The following SND1 variants were observed in gnomAD, a reference collection of about 807,000 sequenced individuals.
SND1 encodes the protein staphylococcal nuclease and tudor domain containing 1.
A neutral mutation model predicts 121.7 loss-of-function variants in SND1; 38 were observed. The ratio of observed to expected loss-of-function variants is 0.31; its 90% CI spans 0.24 to 0.41. The LOEUF (loss-of-function observed/expected upper bound fraction) is 0.41. SND1 is among the 10% of genes least tolerant of loss of function. The pLI is 1.00. For missense variants in SND1, 868 were observed against 1,184.6 expected (o/e 0.73, Z 3.92); for synonymous variants, 401 against 447.4 (o/e 0.90, Z 1.31).
intron 8 of SND1, 101 bp downstream of exon 8, chr7:127,705,046 T>C: frequency 5.2e-6 from 5 of 960,116 alleles, no homozygotes; most frequent in Non-Finnish European, 8.2e-6. Flanking sequence ...TCAGTGTTCA[T>C]TTTACTTCAG....
intron 10 of SND1, among the ~76,000 whole-genome samples, chr7:127,739,785 A>C (rs1002739726): frequency 2.0e-5 from 3 of 152,188 alleles, no homozygotes; most frequent in Admixed American, 1.3e-4. Context: ...GGTTTAGTAC[A>C]TGGTTAAATT....
chr7:127,770,835 A>G (rs963140246), intron 10 of SND1, among the ~76,000 whole-genome samples: 3 of 152,226 alleles, frequency 2.0e-5, no homozygotes, highest in African/African-American at 7.2e-5. Flanking sequence ...GCTTAATTAC[A>G]TAAAATGCGG....
intron 1 of SND1, among the ~76,000 whole-genome samples, chr7:127,656,778 G>A (rs1432304636): frequency 6.6e-6 from 1 of 152,150 alleles, no homozygotes; most frequent in East Asian, 1.9e-4. Flanking sequence ...CCCCAATACA[G>A]GAAAAAACAA....
chr7:127,941,717 A>G (rs2116840060), intron 15 of SND1, among the ~76,000 whole-genome samples: 1 of 152,292 alleles, frequency 6.6e-6, no homozygotes, highest in Middle Eastern at 3.4e-3. Flanking sequence ...TTAAATTACA[A>G]GCTAGAGCAG....
At chr7:128,040,050 C>A (rs1258779790) in intron 16 of SND1, among the ~76,000 whole-genome samples, 1 of 152,026 alleles carries the variant, frequency 6.6e-6, no homozygotes, top group African/African-American at 2.4e-5. Flanking sequence ...ACCTGTCAGT[C>A]CCCAAATTTT....
intron 10 of SND1, among the ~76,000 whole-genome samples, chr7:127,731,088 C>T (rs1395021667): frequency 6.6e-6 from 1 of 152,234 alleles, no homozygotes; most frequent in East Asian, 1.9e-4. Flanking sequence ...CTGGGAGGAG[C>T]TGCGTAGCCA....
chr7:127,685,894 T>C, intron 1 of SND1: 1 of 137,692 alleles, frequency 7.3e-6, no homozygotes, highest in Non-Finnish European at 1.6e-5. Flanking sequence ...TCTCCTTTTT[T>C]TTCTTTTTTT....
intron 16 of SND1, among the ~76,000 whole-genome samples, chr7:128,032,266 G>A (rs1385212952): frequency 6.6e-6 from 1 of 151,020 alleles, no homozygotes; most frequent in African/African-American, 2.4e-5. Context: ...CCGGCCGCCC[G>A]TCTTCCTCTT....
At chr7:127,885,887 A>G (rs898272972) in intron 12 of SND1, among the ~76,000 whole-genome samples, 3 of 152,100 alleles carry the variant, frequency 2.0e-5, no homozygotes, top group Non-Finnish European at 2.9e-5. Flanking sequence ...CAAACTATCA[A>G]AAGTGGAGTT....
intron 10 of SND1, among the ~76,000 whole-genome samples, chr7:127,775,566 G>A (rs1460831846): frequency 2.0e-5 from 3 of 151,984 alleles, no homozygotes; most frequent in African/African-American, 4.8e-5. Flanking sequence ...GTTGTACAAC[G>A]TTTCGTTTCA....
intron 10 of SND1, among the ~76,000 whole-genome samples, chr7:127,740,684 G>A (rs938330055): frequency 3.3e-5 from 5 of 152,254 alleles, no homozygotes; most frequent in East Asian, 1.9e-4. Flanking sequence ...CCAAGGGGGT[G>A]GGGGGTGGTC....
intron 14 of SND1, among the ~76,000 whole-genome samples, chr7:127,923,913 T>C (rs1177393832): frequency 6.6e-6 from 1 of 151,976 alleles, no homozygotes; most frequent in Admixed American, 6.6e-5. Context: ...GTCTGTCCTC[T>C]TGTTCACAAG....
chr7:127,890,372 T>G (rs1016175919), intron 13 of SND1, among the ~76,000 whole-genome samples: 1 of 152,158 alleles, frequency 6.6e-6, no homozygotes, highest in Non-Finnish European at 1.5e-5. Flanking sequence ...TTTAATTGGA[T>G]TATTAGTCTT....
chr7:127,922,199 T>TTGTTTTTTTTTTTG (rs1800732357), intron 14 of SND1, among the ~76,000 whole-genome samples: 1 of 93,500 alleles, frequency 1.1e-5, no homozygotes, highest in Non-Finnish European at 2.1e-5. Context: ...TTTTTTTTTT[T>TTGTTTTTTTTTTTG]TTTTGTTTTG....
intron 12 of SND1, among the ~76,000 whole-genome samples, chr7:127,869,908 T>C (rs1325297378): frequency 6.6e-6 from 1 of 152,188 alleles, no homozygotes; most frequent in Non-Finnish European, 1.5e-5. Context: ...TAATATGTGA[T>C]TCTGTGAGAT....
At chr7:127,810,991 G>A (rs1798325750) in intron 11 of SND1, among the ~76,000 whole-genome samples, 1 of 152,156 alleles carries the variant, frequency 6.6e-6, no homozygotes, top group Non-Finnish European at 1.5e-5. Flanking sequence ...CTTCTGTGCT[G>A]ACAGTAGATG....
At chr7:127,655,622 T>G (rs3808112) in intron 1 of SND1, among the ~76,000 whole-genome samples, 50,055 of 152,122 alleles carry the variant, frequency 0.33, 9,104 homozygotes, top group Admixed American at 0.42. Flanking sequence ...GATTTTATTT[T>G]CTCGAAACCC....
intron 12 of SND1, among the ~76,000 whole-genome samples, chr7:127,887,066 T>C (rs1419762695): frequency 6.6e-6 from 1 of 152,046 alleles, no homozygotes; most frequent in Non-Finnish European, 1.5e-5. Context: ...TGTAGTGGTG[T>C]GATCACAGCT....
chr7:127,695,413 G>A (rs1465807307), intron 3 of SND1, among the ~76,000 whole-genome samples: 1 of 152,144 alleles, frequency 6.6e-6, no homozygotes, highest in Non-Finnish European at 1.5e-5. Context: ...GGAATGGAAG[G>A]AGCACAGATG....
Sources: gnomAD v4.1 joint callset for allele counts (sites outside exome capture counted in the v4.1 genomes callset) on GRCh38, gnomAD v4.1.1 for gene constraint, MANE v1.5 for transcripts, NCBI Gene and HGNC (gene_info 2026-07-23, HGNC 2026-07-21) for gene names.